Variants in GNB1 observed in about 807,000 individuals in gnomAD.
GNB1 encodes G protein subunit beta 1.
A neutral mutation model predicts 42.9 loss-of-function variants in GNB1; 2 were observed. That is an observed-to-expected ratio of 0.05 (90% confidence interval 0.02 to 0.15). GNB1 has a LOEUF of 0.15. GNB1 is among the 10% of genes least tolerant of loss of function. The probability of loss-of-function intolerance (pLI) is 1.00; values close to 1 mark genes in which losing one functional copy is unlikely to be tolerated. For missense variants in GNB1, 193 were observed against 462.2 expected (o/e 0.42, Z 5.34); for synonymous variants, 183 against 174.7 (o/e 1.05, Z -0.38).
At chr1:1,863,366 G>A (rs1461931484) in intron 1 of GNB1, among the ~76,000 whole-genome samples, 1 of 152,190 alleles carries the variant, frequency 6.6e-6, no homozygotes, top group African/African-American at 2.4e-5. Context: ...TAATTTGACT[G>A]ATTTTAGAGC....
chr1:1,791,349 A>G (rs1437729925), intron 8 of GNB1, among the ~76,000 whole-genome samples: 1 of 151,774 alleles, frequency 6.6e-6, no homozygotes, highest in African/African-American at 2.4e-5. Flanking sequence ...TTTTGTTTGT[A>G]TTTTTAGTAG....
intron 3 of GNB1, among the ~76,000 whole-genome samples, chr1:1,819,245 A>C (rs1275157753): frequency 6.6e-6 from 1 of 151,666 alleles, no homozygotes; most frequent in East Asian, 1.9e-4. Context: ...TTTGAGACAG[A>C]GTCTCGCTCT....
chr1:1,853,224 A>G (rs1188480527), intron 1 of GNB1, among the ~76,000 whole-genome samples: 2 of 152,050 alleles, frequency 1.3e-5, no homozygotes, highest in Non-Finnish European at 2.9e-5. Flanking sequence ...TCTTAACAGC[A>G]CTGCCTGATT....
At chr1:1,843,800 C>G (rs1434542118) in intron 1 of GNB1, among the ~76,000 whole-genome samples, 1 of 152,154 alleles carries the variant, frequency 6.6e-6, no homozygotes, top group South Asian at 2.1e-4. Context: ...GAGCTGGGCT[C>G]GCACCTCCCA....
chr1:1,879,565 C>A (rs536013932), intron 1 of GNB1, among the ~76,000 whole-genome samples: 1 of 151,880 alleles, frequency 6.6e-6, no homozygotes, highest in Non-Finnish European at 1.5e-5. Context: ...ATTAGCCAGG[C>A]GTGGTGGCAG....
chr1:1,789,461 C>G (rs757571375), intron 9 of GNB1, among the ~76,000 whole-genome samples, 192 bp from the exon 10 acceptor site: 1 of 151,908 alleles, frequency 6.6e-6, no homozygotes, highest in Non-Finnish European at 1.5e-5. Context: ...GGGAGGCTGA[C>G]GCGGGTGGAT....
At chr1:1,858,646 G>A (rs1648434311) in intron 1 of GNB1, among the ~76,000 whole-genome samples, 1 of 152,144 alleles carries the variant, frequency 6.6e-6, no homozygotes, top group Admixed American at 6.6e-5. Context: ...GAAAGCCTAA[G>A]CTCCCAAAAC....
intron 1 of GNB1, among the ~76,000 whole-genome samples, chr1:1,857,469 C>A (rs1648369252): frequency 6.6e-6 from 1 of 152,168 alleles, no homozygotes; most frequent in Non-Finnish European, 1.5e-5. Flanking sequence ...TCCAGAGTCT[C>A]CTCTGCACCA....
At chr1:1,814,992 G>A (rs1294811248) in intron 5 of GNB1, among the ~76,000 whole-genome samples, 6 of 151,426 alleles carry the variant, frequency 4.0e-5, no homozygotes, top group African/African-American at 1.5e-4. Flanking sequence ...GGCGCCTGTA[G>A]TCCCAGCTAC....
At chr1:1,807,681 A>T (rs1046794372) in intron 5 of GNB1, among the ~76,000 whole-genome samples, 33 of 151,320 alleles carry the variant, frequency 2.2e-4, no homozygotes, top group Non-Finnish European at 1.0e-4. Context: ...GGGAGCAGAG[A>T]CCAGTAACTA....
intron 1 of GNB1, among the ~76,000 whole-genome samples, chr1:1,885,165 C>T (rs1173638772): frequency 6.6e-6 from 1 of 151,624 alleles, no homozygotes; most frequent in Non-Finnish European, 1.5e-5. Flanking sequence ...GTAATCCCAG[C>T]ACTTTGGGAG....
At chr1:1,869,311 G>A (rs1389417904) in intron 1 of GNB1, among the ~76,000 whole-genome samples, 2 of 151,032 alleles carry the variant, frequency 1.3e-5, no homozygotes, top group East Asian at 3.9e-4. Context: ...CATTATCTCA[G>A]ACACTTACTA....
intron 7 of GNB1, among the ~76,000 whole-genome samples, chr1:1,803,524 C>G (rs1397957786): frequency 2.0e-5 from 3 of 152,202 alleles, no homozygotes; most frequent in Non-Finnish European, 2.9e-5. Context: ...CCAAGCTATC[C>G]TCCTACCTTG....
chr1:1,855,702 T>C (rs1648254728), intron 1 of GNB1, among the ~76,000 whole-genome samples: 1 of 148,154 alleles, frequency 6.7e-6, no homozygotes, highest in African/African-American at 2.5e-5. Flanking sequence ...AGACTCCGTC[T>C]CAAAAAAAAA....
intron 3 of GNB1, among the ~76,000 whole-genome samples, chr1:1,824,686 C>G (rs1646973930): frequency 6.6e-6 from 1 of 152,046 alleles, no homozygotes; most frequent in Admixed American, 6.6e-5. Context: ...GATTCTCTGA[C>G]TTTAGCCTCC....
intron 3 of GNB1, among the ~76,000 whole-genome samples, chr1:1,819,335 G>GT (rs1646899688): frequency 6.6e-6 from 1 of 151,074 alleles, no homozygotes; most frequent in Admixed American, 6.6e-5. Flanking sequence ...GATTCTTCCC[G>GT]TCTCAGCCTC....
chr1:1,802,674 G>A (rs775969558), intron 7 of GNB1, among the ~76,000 whole-genome samples: 3 of 151,332 alleles, frequency 2.0e-5, no homozygotes, highest in Non-Finnish European at 2.9e-5. Flanking sequence ...TGAGGCAGGA[G>A]AATCGCTTGA....
intron 1 of GNB1, among the ~76,000 whole-genome samples, chr1:1,863,924 C>A (rs1269776341): frequency 6.6e-6 from 1 of 152,318 alleles, no homozygotes; most frequent in African/African-American, 2.4e-5. Context: ...CTGGGCCAGG[C>A]ACACTGGCTC....
intron 1 of GNB1, among the ~76,000 whole-genome samples, chr1:1,888,834 C>T (rs1650304891): frequency 6.6e-6 from 1 of 152,074 alleles, no homozygotes; most frequent in South Asian, 2.1e-4. Flanking sequence ...AGCGAAACTC[C>T]ATCTCAAAAA....
Sources: allele counts gnomAD v4.1 joint callset (sites outside exome capture counted in the v4.1 genomes callset), GRCh38; gene constraint gnomAD v4.1.1; transcripts MANE v1.5; gene names NCBI Gene and HGNC (gene_info 2026-07-23, HGNC 2026-07-21).